The following LSM14A variants were observed in gnomAD, a reference collection of about 807,000 sequenced individuals.
LSM14A encodes LSM14A mRNA processing body assembly factor.
A neutral mutation model predicts 52.4 loss-of-function variants in LSM14A; 14 were observed. That is an observed-to-expected ratio of 0.27 (90% CI 0.18 to 0.42). LSM14A has a LOEUF of 0.42. Ranked by LOEUF, LSM14A falls within the 10% of genes least tolerant of loss-of-function variation. The probability of loss-of-function intolerance (pLI) is 1.00; values close to 1 mark genes in which losing one functional copy is unlikely to be tolerated. For synonymous variants in LSM14A, 185 were observed against 200.3 expected (o/e 0.92, Z 0.64); for missense variants, 417 against 581.8 (o/e 0.72, Z 2.91).
chr19:34,213,812 A>G (rs750922772), intron 4 of LSM14A, among the ~76,000 whole-genome samples: 1 of 152,132 alleles, frequency 6.6e-6, no homozygotes, highest in Non-Finnish European at 1.5e-5. Context: ...GACAGAGTCT[A>G]GTTTTGTCAC....
rs531481112 is a variant in LSM14A at position 34,221,954 on chromosome 19, G to C, written c.1368+216G>C. On this transcript the variant is annotated intron_variant, in intron 9 of 9. Transcript: ENST00000544216. ...GTATCACCTTTATTTCATGTTAACA[G>C]AATATACTTTTAACACCCAAAGAGT... The C allele has an allele frequency of 1.6e-3, 1,100 of 668,726 alleles. 4 individuals are homozygous for C. The highest frequency in any genetic ancestry group is 1.9e-3 in the Non-Finnish European group (1,049 of 540,180). 41.4% of individuals were successfully genotyped at this position (668,726 alleles called of 1,614,324 possible).
chr19:34,217,993 CTTT>C (rs56321625), intron 6 of LSM14A, among the ~76,000 whole-genome samples: 1,460 of 108,178 alleles, frequency 0.013, 20 homozygotes, highest in African/African-American at 0.018. Flanking sequence ...TACCCAAAAC[CTTT>C]TTTTTTTTTT....
rs201025332 is a variant in LSM14A at position 34,197,700 on chromosome 19, C to T, written c.415+937C>T. ...AAGTGATCCACCCACCTCAGCCTCC[C>T]GAAGTGCTGGGATTACAGGCGTGAG... is the stretch of plus-strand genomic sequence containing the variant. On this transcript the variant is annotated intron_variant, in intron 3 of 9. Transcript: ENST00000544216. 3.9e-5 allele frequency among the ~76,000 whole-genome samples: 6 copies of T among 152,042 alleles called. No homozygotes were observed. The East Asian group carries it at 1.2e-3, about 29-fold the overall frequency.
chr19:34,226,012 T>A (rs897106342), intron 9 of LSM14A, among the ~76,000 whole-genome samples: 1 of 151,522 alleles, frequency 6.6e-6, no homozygotes, highest in Non-Finnish European at 1.5e-5. Flanking sequence ...CAGTGAGCCA[T>A]GATCGCACCA....
chr19:34,193,968 C>T (rs946936543), intron 1 of LSM14A, among the ~76,000 whole-genome samples: 2 of 152,240 alleles, frequency 1.3e-5, no homozygotes, highest in African/African-American at 4.8e-5. Context: ...GCCAGGAGTT[C>T]AAGACCAGCC....
At chr19:34,186,685 A>G (rs1035977403) in intron 1 of LSM14A, among the ~76,000 whole-genome samples, 3 of 152,208 alleles carry the variant, frequency 2.0e-5, no homozygotes, top group African/African-American at 7.2e-5. Context: ...ACTGAGAATA[A>G]TGAGCTTTGT....
At chr19:34,215,389 A>G (rs958560144) in intron 5 of LSM14A, 89 bp downstream of exon 5, 2 of 1,300,190 alleles carry the variant, frequency 1.5e-6, no homozygotes, top group Non-Finnish European at 2.1e-6. Flanking sequence ...ACTTCATGTG[A>G]ATGATCCCAG....
At chr19:34,211,131 A>G (rs1487451029) in intron 4 of LSM14A, among the ~76,000 whole-genome samples, 1 of 151,244 alleles carries the variant, frequency 6.6e-6, no homozygotes, top group Admixed American at 6.6e-5. Flanking sequence ...ACATGGTGAA[A>G]CCCCATCTCT....
intron 3 of LSM14A, 80 bp downstream of exon 3, chr19:34,196,843 A>G: frequency 1.8e-6 from 2 of 1,139,978 alleles, no homozygotes; most frequent in Non-Finnish European, 2.5e-6. Flanking sequence ...CTCAACACCA[A>G]CTATTAGAAA....
At chr19:34,220,528 G>T (rs114894118) in intron 8 of LSM14A, among the ~76,000 whole-genome samples, 1,697 of 152,212 alleles carry the variant, frequency 0.011, 32 homozygotes, top group African/African-American at 0.039. Context: ...GTAAATGTGG[G>T]TCCAGAAAAT....
At chr19:34,190,244 A>G (rs1043260308) in intron 1 of LSM14A, among the ~76,000 whole-genome samples, 2 of 152,162 alleles carry the variant, frequency 1.3e-5, no homozygotes, top group African/African-American at 2.4e-5. Flanking sequence ...TCACAATACT[A>G]CAAGAATTCT....
chr19:34,221,107 A>C (rs990205371), intron 8 of LSM14A, among the ~76,000 whole-genome samples: 11 of 116,692 alleles, frequency 9.4e-5, no homozygotes, highest in African/African-American at 3.3e-4. Flanking sequence ...TTTGAGATGG[A>C]GTTTCGCTCT....
chr19:34,225,563 G>A (rs588544), intron 9 of LSM14A, among the ~76,000 whole-genome samples: 53,121 of 152,010 alleles, frequency 0.35, 9,734 homozygotes, highest in African/African-American at 0.4. Flanking sequence ...GAGCTTGGTT[G>A]TTTAATGAAA....
At chr19:34,191,060 T>G (rs1184548088) in intron 1 of LSM14A, among the ~76,000 whole-genome samples, 1 of 152,188 alleles carries the variant, frequency 6.6e-6, no homozygotes, top group Non-Finnish European at 1.5e-5. Flanking sequence ...CTCTCTAACC[T>G]TTTTAATGCT....
chr19:34,220,463 C>A (rs763417684), intron 8 of LSM14A, among the ~76,000 whole-genome samples: 1 of 152,070 alleles, frequency 6.6e-6, no homozygotes, highest in Non-Finnish European at 1.5e-5. Context: ...GAAGCCAGAA[C>A]CGAAGTGCTA....
intron 4 of LSM14A, among the ~76,000 whole-genome samples, chr19:34,212,623 A>G (rs2072252615): frequency 6.6e-6 from 1 of 152,234 alleles, no homozygotes. Flanking sequence ...TAAAATTCCT[A>G]GAATTTTAAG....
intron 8 of LSM14A, 181 bp from the exon 9 acceptor site, chr19:34,221,326 G>A (rs2073047568): frequency 1.1e-5 from 7 of 642,840 alleles, no homozygotes; most frequent in Admixed American, 3.0e-5. Context: ...CAGGCGATCC[G>A]CCCCCTCGGC....
chr19:34,210,453 G>A (rs2072054417), intron 4 of LSM14A, among the ~76,000 whole-genome samples: 1 of 151,846 alleles, frequency 6.6e-6, no homozygotes, highest in African/African-American at 2.4e-5. Flanking sequence ...TGTATTTTTG[G>A]TAGAGATGTG....
At chr19:34,223,432 C>G (rs1453059844) in intron 9 of LSM14A, among the ~76,000 whole-genome samples, 1 of 152,188 alleles carries the variant, frequency 6.6e-6, no homozygotes, top group African/African-American at 2.4e-5. Flanking sequence ...TGTTTCTGCA[C>G]CGCATCTCTA....
Sources: allele counts gnomAD v4.1 joint callset (sites outside exome capture counted in the v4.1 genomes callset), GRCh38; gene constraint gnomAD v4.1.1; transcripts MANE v1.5; gene names NCBI Gene and HGNC (gene_info 2026-07-23, HGNC 2026-07-21).